RPLP1: variants seen among roughly 807,000 people sequenced by gnomAD.
RPLP1 encodes ribosomal protein lateral stalk subunit P1.
A neutral mutation model predicts 11.6 loss-of-function variants in RPLP1; 4 were observed. That is an observed-to-expected ratio of 0.34 (90% CI 0.17 to 0.79). The LOEUF is 0.79. Ranked by LOEUF, RPLP1 falls within the 30% of genes least tolerant of loss-of-function variation. The pLI, the probability that RPLP1 is intolerant of heterozygous loss-of-function variation, is 0.55. For missense variants in RPLP1, 133 were observed against 142.8 expected (o/e 0.93, Z 0.35); for synonymous variants, 54 against 52.2 (o/e 1.03, Z -0.15).
chr15:69,453,800 G>A lies in RPLP1; in HGVS notation c.147+79G>A, dbSNP rs190532196. On this transcript the variant is annotated intron_variant, in intron 2 of 3. Transcript: ENST00000260379. ...AGTTGTACATGCTAAAGTACCCCCA[G>A]CGGTGCCATAACGCCCCACATGCCG... 2.4e-4 allele frequency: 351 copies of A among 1,477,322 alleles called. 2 individuals are homozygous for A. In the African/African-American group the frequency reaches 4.2e-3, roughly 18 times the overall value. 91.5% of individuals were successfully genotyped at this position (1,477,322 alleles called of 1,614,324 possible). A position where few individuals can be genotyped will look rare whatever the true frequency, so the allele number is the denominator to read the frequency against.
At chr15:69,455,031 T>C in intron 2 of RPLP1, 139 bp from the exon 3 acceptor site, 2 of 1,237,796 alleles carry the variant, frequency 1.6e-6, no homozygotes, top group South Asian at 2.2e-5. Flanking sequence ...GTTGAATCCA[T>C]GGATGTGGAA....
intron 3 of RPLP1, 40 bp from the exon 4 acceptor site, chr15:69,455,388 G>A: frequency 1.9e-6 from 3 of 1,578,188 alleles, no homozygotes; most frequent in Non-Finnish European, 2.6e-6. Context: ...AGTATATGAA[G>A]TATGGAAATC....
chr15:69,452,984 G>C lies in RPLP1; in HGVS notation c.36G>C (p.Ser12=). ...ASVSELACIY[S]ALILHDDEVT... ...TCTCCGAGCTCGCCTGCATCTACTC[G>C]GCCCTCATTCTGCACGACGATGAGG... Residue 12 remains serine (S), a synonymous_variant, in exon 1 of 4, where the codon TCG becomes TCC. Coordinates refer to ENST00000260379, the MANE Select transcript of RPLP1 (RefSeq NM_001003.3). 6.3e-7 allele frequency: 1 copy of C among 1,578,576 alleles called. No homozygotes were observed. Among genetic ancestry groups the C allele is most frequent in the Non-Finnish European group, 8.6e-7 (1 of 1,164,386 alleles).
chr15:69,453,448 G>A lies in RPLP1; in HGVS notation c.73-199G>A, dbSNP rs112596001. On this transcript the variant is annotated intron_variant, in intron 1 of 3. Transcript: ENST00000260379. ...TCTTGTAACTTAAAAATAGCCGCGT[G>A]ACTCAGGCAAGTCCCAGCCCGTGAA... is the stretch of plus-strand genomic sequence containing the variant. The A allele has an allele frequency of 6.4e-6, 4 of 628,344 alleles. 1 individual carries two copies. In the African/African-American group the frequency reaches 7.4e-5, roughly 12 times the overall value. The allele number at this position is 628,344 out of a possible 1,614,324, so 38.9% of individuals were successfully genotyped here.
chr15:69,453,106 G>T (rs1892376064), intron 1 of RPLP1, 86 bp downstream of exon 1: 3 of 1,258,128 alleles, frequency 2.4e-6, no homozygotes, highest in East Asian at 2.5e-5. Flanking sequence ...CAGGCCGTTC[G>T]ACTGAGCACT....
In RPLP1 at chr15:69,455,706, ACC is replaced by A; in HGVS notation, c.*200_*201del. 1.7e-6 allele frequency: 1 copy of A among 581,968 alleles called. No homozygotes were observed. The allele number at this position is 581,968 out of a possible 1,614,324, so 36.1% of individuals were successfully genotyped here. ...ACAATCCTGATGCTAACAAGAAGGC[ACC>A]TCATGGTACAGTGTTGAAAACTGCA... On this transcript the variant is annotated 3_prime_UTR_variant, in exon 4 of 4. Transcript: ENST00000260379.
chr15:69,453,636 A>G lies in RPLP1; in HGVS notation c.73-11A>G. The G allele has an allele frequency of 6.2e-7, 1 of 1,613,838 alleles. No individual in the cohort carries two copies. Among genetic ancestry groups the G allele is most frequent in the Non-Finnish European group, 8.5e-7 (1 of 1,179,826 alleles). On this transcript the variant is annotated splice_polypyrimidine_tract_variant and intron_variant, in intron 1 of 3. Transcript: ENST00000260379. ...TACGTTTTGATGGATTGACGTTTTT[A>G]TTTGTTGTAGGAGGATAAGATCAAT...
At chr15:69,453,481 T>C in intron 1 of RPLP1, 166 bp from the exon 2 acceptor site, 1 of 712,628 alleles carries the variant, frequency 1.4e-6, no homozygotes, top group Non-Finnish European at 2.4e-6. Flanking sequence ...GAAACAGCAG[T>C]GATGGGCTCG....
Position 69,453,398 on chromosome 15 carries a change from C to G in RPLP1, c.73-249C>G, listed in dbSNP as rs1365281367. 5.1e-6 allele frequency: 3 copies of G among 585,922 alleles called. No individual in the cohort carries two copies. The East Asian group carries it at 8.7e-5, about 17-fold the overall frequency. The allele number at this position is 585,922 out of a possible 1,614,324, so 36.3% of individuals were successfully genotyped here. The stretch of plus-strand genomic sequence containing the variant: ...ATTCCCCCGGTCGTGGAGGAAGGCG[C>G]CCGAGCTCGGCTCCACCTCCCAGGT... On this transcript the variant is annotated intron_variant, in intron 1 of 3. Coordinates refer to ENST00000260379, the MANE Select transcript of RPLP1 (RefSeq NM_001003.3).
In RPLP1 at chr15:69,453,967, C is replaced by A. The variant is rs537919869; in HGVS notation, c.147+246C>A. 87 of 549,680 alleles carry A rather than the reference C, an allele frequency of 1.6e-4. 2 individuals carry two copies. In the South Asian group the frequency reaches 2.0e-3, roughly 13 times the overall value. 34.1% of individuals were successfully genotyped at this position (549,680 alleles called of 1,614,324 possible). Reference sequence around the variant, plus strand: ...TGGTTAAAAAAAATGTGAATCAGGTCATTTATTCCCAAAAAGGGTCACTCG... The same window carrying A: ...TGGTTAAAAAAAATGTGAATCAGGTAATTTATTCCCAAAAAGGGTCACTCG... On this transcript the variant is annotated intron_variant, in intron 2 of 3. Coordinates refer to ENST00000260379, the MANE Select transcript of RPLP1 (RefSeq NM_001003.3).
intron 1 of RPLP1, 96 bp from the exon 2 acceptor site, chr15:69,453,551 T>G (rs1892386028): frequency 5.3e-6 from 7 of 1,331,716 alleles, no homozygotes; most frequent in Non-Finnish European, 6.5e-6. Flanking sequence ...TTTGAGCTGG[T>G]TAAACATGTT....
chr15:69,452,977 T>G lies in RPLP1; in HGVS notation c.29T>G (p.Ile10Ser), dbSNP rs1202167614. MASVSELACIYSALILHDDE... is the reference protein window; with the variant it reads MASVSELACSYSALILHDDE... Reference sequence around the variant, plus strand: ...GCCTCTGTCTCCGAGCTCGCCTGCATCTACTCGGCCCTCATTCTGCACGAC... The same window carrying G: ...GCCTCTGTCTCCGAGCTCGCCTGCAGCTACTCGGCCCTCATTCTGCACGAC... Residue 10 changes from isoleucine to serine, a missense_variant, in exon 1 of 4, where the codon ATC (isoleucine) becomes AGC (serine). By Grantham distance (142) the Ile-to-Ser change is moderately radical. Transcript: ENST00000260379. The G allele has an allele frequency of 6.3e-7, 1 of 1,580,110 alleles. No individual in the cohort carries two copies. Among genetic ancestry groups the G allele is most frequent in the East Asian group, 2.4e-5 (1 of 42,356 alleles).
Position 69,453,873 on chromosome 15 carries a change from A to G in RPLP1, c.147+152A>G, listed in dbSNP as rs938510137. ...GTTGCATGTATATCTCTAGGAGCTA[A>G]TAAGATTTCAGCTTGTCAAGTCTTA... On this transcript the variant is annotated intron_variant, in intron 2 of 3. Coordinates refer to ENST00000260379, the MANE Select transcript of RPLP1 (RefSeq NM_001003.3). The G allele has an allele frequency of 1.9e-5, 13 of 683,376 alleles. No homozygotes were observed. In the East Asian group the frequency reaches 2.7e-4, roughly 14 times the overall value. 42.3% of individuals were successfully genotyped at this position (683,376 alleles called of 1,614,324 possible). A position where few individuals can be genotyped will look rare whatever the true frequency, so the allele number is the denominator to read the frequency against.
Position 69,455,166 on chromosome 15 carries a change from G to T in RPLP1, c.148-4G>T. 6.4e-7 allele frequency: 1 copy of T among 1,572,522 alleles called. No homozygotes were observed. Among genetic ancestry groups the T allele is most frequent in the Admixed American group, 2.0e-5 (1 of 50,280 alleles). On this transcript the variant is annotated splice_polypyrimidine_tract_variant and splice_region_variant and intron_variant, in intron 2 of 3. Coordinates refer to ENST00000260379, the MANE Select transcript of RPLP1 (RefSeq NM_001003.3). ...GTTTACCTATGCATGCACATGTATT[G>T]CAGGCCCTGGCCAACGTCAACATTG... is the stretch of plus-strand genomic sequence containing the variant.
intron 1 of RPLP1, chr15:69,453,432 T>C (rs1892383632): frequency 3.2e-6 from 2 of 616,052 alleles, no homozygotes; most frequent in Non-Finnish European, 2.8e-6. Context: ...GTCTTGTAAC[T>C]TAAAAATAGC....
intron 1 of RPLP1, chr15:69,453,357 G>A (rs1238854856): frequency 3.5e-6 from 2 of 576,658 alleles, no homozygotes; most frequent in East Asian, 5.9e-5. Context: ...GACCTCTTTC[G>A]GTGTAATTGC....
In RPLP1 at chr15:69,455,659, C is replaced by T. The variant is rs1892425070; in HGVS notation, c.*152C>T. On this transcript the variant is annotated 3_prime_UTR_variant, in exon 4 of 4. Transcript: ENST00000260379. The stretch of plus-strand genomic sequence containing the variant: ...ACACAGGCTGGATTTTCCCTGCCAC[C>T]ATTGCCGGATGTGAGATTTAGACAA... The T allele has an allele frequency of 4.8e-6, 3 of 624,564 alleles. No homozygotes were observed. The highest frequency in any genetic ancestry group is 8.3e-6 in the Non-Finnish European group (3 of 361,622). 38.7% of individuals were successfully genotyped at this position (624,564 alleles called of 1,614,324 possible).
chr15:69,453,731 T>C lies in RPLP1; in HGVS notation c.147+10T>C, dbSNP rs1457115645. ...TGGCTTGTTTGCAAAGGTAAGGTGA[T>C]GGTGGCAAAGTGATTGTGGTAAGGC... On this transcript the variant is annotated intron_variant, in intron 2 of 3. Coordinates refer to ENST00000260379, the MANE Select transcript of RPLP1 (RefSeq NM_001003.3). The C allele has an allele frequency of 2.5e-6, 4 of 1,614,192 alleles. No homozygotes were observed. Among genetic ancestry groups the C allele is most frequent in the Non-Finnish European group, 3.4e-6 (4 of 1,180,024 alleles).
rs1892367362 is a variant in RPLP1 at position 69,452,868 on chromosome 15, G to A, written c.-81G>A. 7 of 1,320,798 alleles carry A rather than the reference G, an allele frequency of 5.3e-6. No individual in the cohort carries two copies. In the Admixed American group the frequency reaches 1.4e-4, roughly 26 times the overall value. The allele number at this position is 1,320,798 out of a possible 1,614,324, so 81.8% of individuals were successfully genotyped here. ...TGCTCGGTCCTTCCGAGGAAGCTAA[G>A]GCTGCGTTGGGGTGAGGCCCTCACT... On this transcript the variant is annotated 5_prime_UTR_variant, in exon 1 of 4. Coordinates refer to ENST00000260379, the MANE Select transcript of RPLP1 (RefSeq NM_001003.3).
Sources: allele counts gnomAD v4.1 joint callset, GRCh38; gene constraint gnomAD v4.1.1; transcripts MANE v1.5; gene names NCBI Gene and HGNC (gene_info 2026-07-23, HGNC 2026-07-21).